Variants in NKAIN3 observed in about 807,000 individuals in gnomAD.
NKAIN3 encodes sodium/potassium transporting ATPase interacting 3.
Under a neutral mutation model 30.2 loss-of-function variants are expected in NKAIN3, and 25 were observed. The observed-to-expected ratio is 0.83, with a 90% confidence interval of 0.60 to 1.16. The LOEUF (loss-of-function observed/expected upper bound fraction) is 1.16, where lower values mean the gene tolerates loss of function less well. Ranked by LOEUF, NKAIN3 falls within the 50% of genes most tolerant of loss-of-function variation. The pLI, the probability that NKAIN3 is intolerant of heterozygous loss-of-function variation, is 0.00. For missense variants in NKAIN3, 225 were observed against 254.1 expected, an observed-to-expected ratio of 0.89 and a Z score of 0.78; for synonymous variants, 91 against 89.6, an observed-to-expected ratio of 1.02 and a Z score of -0.09.
At chr8:62,342,148 A>G (rs1305760038) in intron 1 of NKAIN3, among the ~76,000 whole-genome samples, 1 of 151,142 alleles carries the variant, frequency 6.6e-6, no homozygotes, top group Non-Finnish European at 1.5e-5. Flanking sequence ...TTTGTGCAAA[A>G]GGGAGATATA....
chr8:62,783,595 G>A (rs1817424763), intron 4 of NKAIN3, among the ~76,000 whole-genome samples: 1 of 143,074 alleles, frequency 7.0e-6, no homozygotes, highest in Admixed American at 7.7e-5. Context: ...AGCAGAAACA[G>A]CAGAATACAC....
chr8:62,370,250 C>T (rs1816866236), intron 1 of NKAIN3, among the ~76,000 whole-genome samples: 1 of 151,956 alleles, frequency 6.6e-6, no homozygotes, highest in South Asian at 2.1e-4. Flanking sequence ...TGTATAATTT[C>T]TTCCTGGCCA....
At chr8:62,345,506 C>CATATATGT (rs1554669321) in intron 1 of NKAIN3, among the ~76,000 whole-genome samples, 2,463 of 13,866 alleles carry the variant, frequency 0.18, 243 homozygotes, top group Admixed American at 0.23. Flanking sequence ...CATATATACA[C>CATATATGT]ATATATACAC....
At chr8:62,884,907 T>C (rs1338998667) in intron 4 of NKAIN3, among the ~76,000 whole-genome samples, 1 of 152,140 alleles carries the variant, frequency 6.6e-6, no homozygotes, top group East Asian at 1.9e-4. Flanking sequence ...TTATTGATTT[T>C]TTTTATTTCT....
intron 4 of NKAIN3, among the ~76,000 whole-genome samples, chr8:62,761,191 T>C (rs1816649663): frequency 6.6e-6 from 1 of 152,196 alleles, no homozygotes; most frequent in Non-Finnish European, 1.5e-5. Flanking sequence ...TAAGCAAAAC[T>C]AAATGAACTA....
At chr8:62,950,944 C>CTTTTTTTTTTTTTTTTTTTTTTTT in intron 5 of NKAIN3, among the ~76,000 whole-genome samples, 1 of 100,686 alleles carries the variant, frequency 9.9e-6, no homozygotes, top group South Asian at 3.9e-4. Flanking sequence ...AAACAGAATC[C>CTTTTTTTTTTTTTTTTTTTTTTTT]TTTTTTTTTT....
chr8:62,368,680 T>G (rs935490649), intron 1 of NKAIN3, among the ~76,000 whole-genome samples: 1 of 152,188 alleles, frequency 6.6e-6, no homozygotes, highest in Non-Finnish European at 1.5e-5. Flanking sequence ...CACACACACA[T>G]AAGTCTTGTG....
chr8:62,568,446 C>A (rs142958720), intron 1 of NKAIN3, among the ~76,000 whole-genome samples: 2 of 152,204 alleles, frequency 1.3e-5, no homozygotes, highest in East Asian at 3.9e-4. Flanking sequence ...CCTTTTTCGA[C>A]ACATTGAAAA....
chr8:62,595,250 T>C (rs1486503023), intron 3 of NKAIN3, among the ~76,000 whole-genome samples: 18 of 152,002 alleles, frequency 1.2e-4, no homozygotes, highest in Admixed American at 1.2e-3. Context: ...CAGGAGATGT[T>C]AAACGCTTCT....
chr8:62,726,454 G>A (rs781243798), intron 3 of NKAIN3, among the ~76,000 whole-genome samples: 2 of 151,840 alleles, frequency 1.3e-5, no homozygotes, highest in African/African-American at 4.8e-5. Context: ...TTTTCTTAAC[G>A]TTGACGTATG....
At chr8:62,960,136 C>T (rs964962218) in intron 6 of NKAIN3, among the ~76,000 whole-genome samples, 9 of 152,218 alleles carry the variant, frequency 5.9e-5, no homozygotes. Flanking sequence ...GCAGTTCAGA[C>T]TTATCACCGT....
At chr8:62,512,645 C>T (rs1266872188) in intron 1 of NKAIN3, among the ~76,000 whole-genome samples, 5 of 152,140 alleles carry the variant, frequency 3.3e-5, no homozygotes, top group Non-Finnish European at 7.4e-5. Context: ...GAAGGAGGCA[C>T]ATTGAACACT....
intron 1 of NKAIN3, among the ~76,000 whole-genome samples, chr8:62,487,434 A>G (rs976902749): frequency 6.6e-6 from 1 of 152,200 alleles, no homozygotes; most frequent in African/African-American, 2.4e-5. Context: ...TAAGGGCAAT[A>G]TGGACAATGT....
chr8:62,682,865 A>T (rs1813685454), intron 3 of NKAIN3, among the ~76,000 whole-genome samples: 1 of 151,820 alleles, frequency 6.6e-6, no homozygotes, highest in African/African-American at 2.4e-5. Flanking sequence ...GACACACCTA[A>T]CTCTGCCCCA....
chr8:62,905,524 C>G (rs1213526192), intron 4 of NKAIN3, among the ~76,000 whole-genome samples: 1 of 152,172 alleles, frequency 6.6e-6, no homozygotes, highest in East Asian at 1.9e-4. Flanking sequence ...CAGCGACTAT[C>G]CTTTTTCTCC....
chr8:62,365,143 G>T (rs1816698475), intron 1 of NKAIN3, among the ~76,000 whole-genome samples: 1 of 152,104 alleles, frequency 6.6e-6, no homozygotes, highest in Non-Finnish European at 1.5e-5. Flanking sequence ...ATATTGGGAA[G>T]TTAGCTTAAC....
At chr8:62,725,688 T>C (rs1291737587) in intron 3 of NKAIN3, among the ~76,000 whole-genome samples, 1 of 152,134 alleles carries the variant, frequency 6.6e-6, no homozygotes, top group Non-Finnish European at 1.5e-5. Flanking sequence ...TTCTGGGTTC[T>C]TTATTTTATT....
At chr8:62,742,730 G>A (rs951059538) in intron 3 of NKAIN3, among the ~76,000 whole-genome samples, 1 of 152,184 alleles carries the variant, frequency 6.6e-6, no homozygotes, top group African/African-American at 2.4e-5. Flanking sequence ...TTATTTTTAA[G>A]ATTAATTCAT....
At chr8:62,738,584 G>A (rs540126519) in intron 3 of NKAIN3, among the ~76,000 whole-genome samples, 2 of 114,546 alleles carry the variant, frequency 1.7e-5, no homozygotes, top group Admixed American at 1.2e-4. Flanking sequence ...GGGTGACAGA[G>A]CAAGATACTC....
Sources: gnomAD v4.1 joint callset for allele counts (sites outside exome capture counted in the v4.1 genomes callset) on GRCh38, gnomAD v4.1.1 for gene constraint, MANE v1.5 for transcripts, NCBI Gene and HGNC (gene_info 2026-07-23, HGNC 2026-07-21) for gene names.